FAM228B: variants seen among roughly 807,000 people sequenced by gnomAD.
FAM228B encodes the protein family with sequence similarity 228 member B, also known as protein FAM228B.
Under a neutral mutation model 42.6 loss-of-function variants are expected in FAM228B, and 38 were observed. That is an observed-to-expected ratio of 0.89 (90% CI 0.69 to 1.17). FAM228B has a LOEUF of 1.17. Ranked by LOEUF, FAM228B falls within the 50% of genes most tolerant of loss-of-function variation. FAM228B has a pLI of 0.00. For missense variants in FAM228B, 344 were observed against 367.3 expected (o/e 0.94, Z 0.52); for synonymous variants, 109 against 122.3 (o/e 0.89, Z 0.72).
At position 24,098,723 on chromosome 2, in the gene FAM228B, T is replaced by C. The variant is rs551549683; in HGVS notation, c.-121+3494T>C. On this transcript the variant is annotated intron_variant, in intron 3 of 10. Coordinates refer to the FAM228B transcript ENST00000613899. ...GAGGTACAAAGAGGAGCTGGTACCA[T>C]TCCTTCTGAAACTATTCCAATCAAT... Among the ~76,000 whole-genome samples the C allele has an allele frequency of 4.3e-3, 651 of 152,338 alleles. 6 individuals are homozygous for C. The highest frequency in any genetic ancestry group is 0.014 in the African/African-American group (596 of 41,586).
intron 1 of FAM228B, chr2:24,079,548 A>C: frequency 6.2e-7 from 1 of 1,614,194 alleles, no homozygotes; most frequent in Non-Finnish European, 8.5e-7. Context: ...ATCAGACCAT[A>C]GAGAACCCAT....
At chr2:24,144,424 G>A (rs765223561) in intron 5 of FAM228B, among the ~76,000 whole-genome samples, 1 of 152,148 alleles carries the variant, frequency 6.6e-6, no homozygotes, top group Non-Finnish European at 1.5e-5. Context: ...AGACCCTGTC[G>A]GAGAGCTTCA....
chr2:24,138,961 T>A (rs927147469), intron 4 of FAM228B, among the ~76,000 whole-genome samples: 2 of 146,586 alleles, frequency 1.4e-5, no homozygotes, highest in South Asian at 2.2e-4. Context: ...AAAAAAAAAA[T>A]TATACTTACA....
chr2:24,091,387 C>T (rs1367887471), intron 2 of FAM228B, among the ~76,000 whole-genome samples: 4 of 152,108 alleles, frequency 2.6e-5, no homozygotes, highest in African/African-American at 7.2e-5. Context: ...GAGCCGAGAT[C>T]GCCACTGCAC....
chr2:24,168,733 G>A (rs1415044549), intron 10 of FAM228B, among the ~76,000 whole-genome samples: 1 of 152,158 alleles, frequency 6.6e-6, no homozygotes, highest in Non-Finnish European at 1.5e-5. Context: ...AGGGAGATTT[G>A]ATGATGCTGG....
intron 2 of FAM228B, among the ~76,000 whole-genome samples, chr2:24,127,587 C>T (rs575542038): frequency 2.6e-5 from 4 of 152,232 alleles, no homozygotes; most frequent in African/African-American, 9.6e-5. Flanking sequence ...TACAATTTCT[C>T]CACTGCTCAG....
At chr2:24,143,104 CAA>C (rs1666794891) in intron 5 of FAM228B, among the ~76,000 whole-genome samples, 1 of 152,114 alleles carries the variant, frequency 6.6e-6, no homozygotes, top group Non-Finnish European at 1.5e-5. Context: ...GGTATAGTAT[CAA>C]AAACAAATAT....
chr2:24,164,449 A>T (rs1392179097), intron 9 of FAM228B, 114 bp downstream of exon 9: 1 of 1,177,876 alleles, frequency 8.5e-7, no homozygotes, highest in Non-Finnish European at 1.1e-6. Context: ...GAGAGGAGGC[A>T]GTGGGGAATA....
chr2:24,087,414 A>G (rs1390171858), intron 2 of FAM228B: 2 of 152,148 alleles, frequency 1.3e-5, no homozygotes, highest in Non-Finnish European at 2.9e-5. Context: ...GTTCTCCTGC[A>G]GAGCTCCTAA....
At chr2:24,143,056 A>G (rs1386160372) in intron 5 of FAM228B, among the ~76,000 whole-genome samples, 1 of 152,244 alleles carries the variant, frequency 6.6e-6, no homozygotes, top group Non-Finnish European at 1.5e-5. Flanking sequence ...ATTCCACATC[A>G]TAACTAACCT....
chr2:24,122,731 CAT>C (rs953164043), upstream of FAM228B: 14 of 475,704 alleles, frequency 2.9e-5, no homozygotes, highest in African/African-American at 2.3e-4. Context: ...AAAACAGAAT[CAT>C]AGAAAAATCA....
At chr2:24,149,065 T>A (rs1666961562) in intron 7 of FAM228B, among the ~76,000 whole-genome samples, 1 of 152,252 alleles carries the variant, frequency 6.6e-6, no homozygotes, top group African/African-American at 2.4e-5. Flanking sequence ...GTCTCATTCT[T>A]TTTTATGGCT....
intron 3 of FAM228B, among the ~76,000 whole-genome samples, chr2:24,109,168 T>C (rs1405737429): frequency 1.1e-5 from 1 of 93,806 alleles, no homozygotes; most frequent in Non-Finnish European, 2.3e-5. Flanking sequence ...AAAAGAGTAA[T>C]GGCAAAAAAA....
intron 2 of FAM228B, among the ~76,000 whole-genome samples, chr2:24,091,659 T>A (rs1450024718): frequency 6.6e-6 from 1 of 152,130 alleles, no homozygotes; most frequent in East Asian, 1.9e-4. Flanking sequence ...GTACAAGTTG[T>A]AAAAGCATAA....
At chr2:24,162,270 G>A (rs1573787061) in intron 8 of FAM228B, among the ~76,000 whole-genome samples, 1 of 152,204 alleles carries the variant, frequency 6.6e-6, no homozygotes, top group South Asian at 2.1e-4. Context: ...ACTGGTTTGG[G>A]TGGGTAGTAG....
At chr2:24,086,550 G>C (rs1665260007) in intron 2 of FAM228B, among the ~76,000 whole-genome samples, 1 of 143,430 alleles carries the variant, frequency 7.0e-6, no homozygotes, top group Non-Finnish European at 1.5e-5. Context: ...CTTTTTTGTA[G>C]TGTAGGGGTC....
upstream of FAM228B, among the ~76,000 whole-genome samples, chr2:24,121,662 A>C (rs1666122729): frequency 6.6e-6 from 1 of 151,998 alleles, no homozygotes; most frequent in East Asian, 1.9e-4. Flanking sequence ...GGTGGGGCCT[A>C]ATGGGAGGTA....
chr2:24,093,810 G>A (rs928109587), intron 2 of FAM228B, among the ~76,000 whole-genome samples: 3 of 151,746 alleles, frequency 2.0e-5, no homozygotes, highest in Non-Finnish European at 4.4e-5. Flanking sequence ...AATAGAGACG[G>A]GTTTCACCAT....
intron 2 of FAM228B, among the ~76,000 whole-genome samples, chr2:24,091,425 C>T (rs1444366357): frequency 1.3e-5 from 2 of 151,950 alleles, no homozygotes; most frequent in South Asian, 4.1e-4. Context: ...AGTGAGATTC[C>T]GTCTCAAAAC....
Sources: gnomAD v4.1 joint callset for allele counts (sites outside exome capture counted in the v4.1 genomes callset) on GRCh38, gnomAD v4.1.1 for gene constraint, MANE v1.5 for transcripts, NCBI Gene and HGNC (gene_info 2026-07-23, HGNC 2026-07-21) for gene names.